The following PDE3A variants were observed in gnomAD, a reference collection of about 807,000 sequenced individuals.
PDE3A encodes cGMP-inhibited 3',5'-cyclic phosphodiesterase 3A.
In PDE3A, 43 loss-of-function variants were observed where a neutral mutation model predicts 98.3. The observed-to-expected ratio is 0.44, with a 90% CI of 0.34 to 0.56. The LOEUF (loss-of-function observed/expected upper bound fraction) is 0.56, where lower values mean the gene tolerates loss of function less well. PDE3A is among the 20% of genes least tolerant of loss of function. PDE3A has a pLI of 0.01. For synonymous variants in PDE3A, 663 were observed against 567.9 expected, an observed-to-expected ratio of 1.17 and a Z score of -2.38; for missense variants, 1,427 against 1,440.7, an observed-to-expected ratio of 0.99 and a Z score of 0.15.
chr12:20,607,953 T>G (rs1307058808), intron 2 of PDE3A, among the ~76,000 whole-genome samples: 1 of 152,190 alleles, frequency 6.6e-6, no homozygotes, highest in Non-Finnish European at 1.5e-5. Context: ...CCTCAATATT[T>G]AATTATATTA....
Position 20,646,954 on chromosome 12 carries a change from A to T in PDE3A, c.2565+4A>T. 1 of 1,604,614 alleles carries T rather than the reference A, an allele frequency of 6.2e-7. No homozygotes were observed. Among genetic ancestry groups the T allele is most frequent in the Non-Finnish European group, 8.5e-7 (1 of 1,171,936 alleles). ...GGTTGCAACTAGTGCTCCTCAGGTA[A>T]ATCTTTAGATTTTGGTTAGGAGAAC... On this transcript the variant is annotated splice_donor_region_variant and intron_variant, in intron 12 of 15. Coordinates refer to ENST00000359062, the MANE Select transcript of PDE3A (RefSeq NM_000921.5).
rs765140721 is a variant in PDE3A, at chr12:20,684,912, C to T, written c.*4641C>T. ...GTATTTGTGTGTTTCACACCAAAGA[C>T]CCATGCTCAGAGAATGGTAACATAT... On this transcript the variant is annotated 3_prime_UTR_variant, in exon 16 of 16. Coordinates refer to ENST00000359062, the MANE Select transcript of PDE3A (RefSeq NM_000921.5). Among the ~76,000 whole-genome samples the T allele has an allele frequency of 3.0e-4, 45 of 152,146 alleles. No homozygotes were observed. Among genetic ancestry groups the T allele is most frequent in the Non-Finnish European group, 7.3e-5 (5 of 68,044 alleles).
chr12:20,639,314 G>T (rs906128133), intron 9 of PDE3A, among the ~76,000 whole-genome samples: 3 of 152,032 alleles, frequency 2.0e-5, no homozygotes, highest in Non-Finnish European at 2.9e-5. Flanking sequence ...TGTATCTTTT[G>T]TTCCAATCAT....
At chr12:20,456,088 C>T (rs963027435) in intron 1 of PDE3A, among the ~76,000 whole-genome samples, 1 of 152,068 alleles carries the variant, frequency 6.6e-6, no homozygotes, top group African/African-American at 2.4e-5. Context: ...TCCAGGACGT[C>T]GCGACAACCT....
At position 20,368,854 on chromosome 12, in the gene PDE3A, T is replaced by A. The variant is rs1345689891; in HGVS notation, c.-431T>A. Among the ~76,000 whole-genome samples, 5 of 151,798 alleles carry A rather than the reference T, an allele frequency of 3.3e-5. No homozygotes were observed. The highest frequency in any genetic ancestry group is 6.6e-5 in the Admixed American group (1 of 15,250). On this transcript the variant is annotated 5_prime_UTR_variant, in exon 1 of 16. Coordinates refer to ENST00000359062, the MANE Select transcript of PDE3A (RefSeq NM_000921.5). ...CCTCGGAATGGCCCGGAGCCCGCCC[T>A]GCGCCCCCGGCTCCTCCAGCGTCAG...
intron 1 of PDE3A, among the ~76,000 whole-genome samples, chr12:20,506,408 A>G (rs575726153): frequency 2.0e-5 from 3 of 152,152 alleles, no homozygotes; most frequent in Non-Finnish European, 4.4e-5. Flanking sequence ...TCTGTCCCCC[A>G]CAAACAGAGA....
chr12:20,654,002 C>G lies in PDE3A; in HGVS notation c.2981C>G (p.Ala994Gly), dbSNP rs1384714338. Reference sequence around the variant, plus strand: ...ATAAGCCCCTTCATGGATCGTTCTGCTCCTCAGCTGGCCAACCTTCAGGAA... The same window carrying G: ...ATAAGCCCCTTCATGGATCGTTCTGGTCCTCAGCTGGCCAACCTTCAGGAA... The part of the protein sequence containing the change: ...LPISPFMDRS[A>G]PQLANLQESF... The change falls in exon 15 of 16, where the codon GCT becomes GGT. Residue 994 changes from alanine to glycine, a missense_variant. Around this residue, in one of 3 missense-constraint regions of PDE3A, gnomAD observed 273 missense variants for 420.3 expected, o/e 0.65. Coordinates refer to ENST00000359062, the MANE Select transcript of PDE3A (RefSeq NM_000921.5). 6.2e-7 allele frequency: 1 copy of G among 1,614,096 alleles called. No homozygotes were observed. Among genetic ancestry groups the G allele is most frequent in the African/African-American group, 1.3e-5 (1 of 75,046 alleles).
chr12:20,595,742 T>G (rs1943451729), intron 2 of PDE3A, among the ~76,000 whole-genome samples: 1 of 152,196 alleles, frequency 6.6e-6, no homozygotes, highest in Non-Finnish European at 1.5e-5. Flanking sequence ...TATTCTTCAG[T>G]TTGCCAGCAG....
intron 1 of PDE3A, among the ~76,000 whole-genome samples, chr12:20,478,534 C>G (rs974054692): frequency 6.6e-6 from 1 of 152,118 alleles, no homozygotes; most frequent in African/African-American, 2.4e-5. Flanking sequence ...CAGTACCTAC[C>G]TAGCACACTG....
chr12:20,523,111 G>A (rs984856993), intron 1 of PDE3A, among the ~76,000 whole-genome samples: 4 of 152,104 alleles, frequency 2.6e-5, no homozygotes, highest in African/African-American at 2.4e-5. Flanking sequence ...TCTAATGAAT[G>A]ATAAGTAATA....
chr12:20,465,502 C>T (rs1945326329), intron 1 of PDE3A, among the ~76,000 whole-genome samples: 1 of 152,112 alleles, frequency 6.6e-6, no homozygotes, highest in South Asian at 2.1e-4. Flanking sequence ...CCTTTGCCTG[C>T]CAGGTTCAAG....
At chr12:20,609,230 G>T (rs1433328721) in intron 2 of PDE3A, among the ~76,000 whole-genome samples, 2 of 151,818 alleles carry the variant, frequency 1.3e-5, no homozygotes, top group African/African-American at 2.4e-5. Context: ...AAAGTTACAG[G>T]ATTGAAAATC....
intron 9 of PDE3A, among the ~76,000 whole-genome samples, chr12:20,638,361 A>T (rs1441213673): frequency 6.6e-6 from 1 of 152,144 alleles, no homozygotes; most frequent in African/African-American, 2.4e-5. Context: ...TAAGACACAA[A>T]ATTCTTACAA....
At chr12:20,541,042 T>C (rs1352743941) in intron 1 of PDE3A, among the ~76,000 whole-genome samples, 1 of 150,348 alleles carries the variant, frequency 6.7e-6, no homozygotes, top group East Asian at 1.9e-4. Context: ...GTGTATATTA[T>C]TGACTCAAAT....
At chr12:20,501,581 G>A (rs537794080) in intron 1 of PDE3A, among the ~76,000 whole-genome samples, 5 of 152,144 alleles carry the variant, frequency 3.3e-5, no homozygotes, top group East Asian at 3.9e-4. Context: ...GAAATTATTC[G>A]TAGAGCGAGG....
intron 1 of PDE3A, among the ~76,000 whole-genome samples, chr12:20,429,685 G>T (rs1368908173): frequency 6.6e-6 from 1 of 152,160 alleles, no homozygotes; most frequent in East Asian, 1.9e-4. Flanking sequence ...ATGCTGGGAG[G>T]TGAGGGATTA....
intron 15 of PDE3A, among the ~76,000 whole-genome samples, chr12:20,668,919 C>G (rs1366193846): frequency 6.6e-6 from 1 of 150,722 alleles, no homozygotes; most frequent in African/African-American, 2.5e-5. Flanking sequence ...GGAGGACATT[C>G]AAACCAAAGG....
At chr12:20,462,405 C>T (rs1465028615) in intron 1 of PDE3A, among the ~76,000 whole-genome samples, 3 of 152,228 alleles carry the variant, frequency 2.0e-5, no homozygotes, top group Middle Eastern at 3.4e-3. Context: ...GCAGGAGAAT[C>T]GCTTGAACCT....
intron 1 of PDE3A, among the ~76,000 whole-genome samples, chr12:20,391,189 C>T (rs1461066117): frequency 6.6e-6 from 1 of 151,614 alleles, no homozygotes; most frequent in Non-Finnish European, 1.5e-5. Context: ...AGAAGTTAAC[C>T]TTGTAAAATT....
Sources: gnomAD v4.1 joint callset for allele counts (sites outside exome capture counted in the v4.1 genomes callset) on GRCh38, gnomAD v4.1.1 for gene constraint, gnomAD v4.1.1 regional missense constraint, MANE v1.5 for transcripts, NCBI Gene and HGNC (gene_info 2026-07-23, HGNC 2026-07-21) for gene names.